The following CLEC16A variants were observed in gnomAD, a reference collection of about 807,000 sequenced individuals.
The protein encoded by CLEC16A is protein CLEC16A.
CLEC16A carries 51 observed loss-of-function variants against 109.5 expected under a neutral mutation model. The ratio of observed to expected loss-of-function variants is 0.47; its 90% confidence interval spans 0.37 to 0.59. The LOEUF is 0.59. Among genes scored for constraint, CLEC16A ranks in the 20% least tolerant of loss-of-function variants. CLEC16A has a pLI of 0.00. For missense variants in CLEC16A, 1,339 were observed against 1,394.0 expected, an observed-to-expected ratio of 0.96 and a Z score of 0.63; for synonymous variants, 673 against 564.2, an observed-to-expected ratio of 1.19 and a Z score of -2.73.
chr16:11,096,388 C>T (rs2050612540), intron 19 of CLEC16A, among the ~76,000 whole-genome samples: 1 of 152,114 alleles, frequency 6.6e-6, no homozygotes, highest in African/African-American at 2.4e-5. Context: ...CCACCCTCCT[C>T]ATCCCACTTC....
At chr16:10,949,409 A>G (rs568477553) in intron 1 of CLEC16A, among the ~76,000 whole-genome samples, 3 of 152,228 alleles carry the variant, frequency 2.0e-5, no homozygotes, top group Admixed American at 2.0e-4. Context: ...ATGGAGACCA[A>G]CGGGGTGAGT....
intron 23 of CLEC16A, among the ~76,000 whole-genome samples, chr16:11,171,672 T>C (rs1188298520): frequency 6.6e-6 from 1 of 152,124 alleles, no homozygotes; most frequent in Non-Finnish European, 1.5e-5. Flanking sequence ...AGCGGGAAAG[T>C]GAAAAAAGAC....
At chr16:11,026,633 T>C (rs899047700) in intron 13 of CLEC16A, among the ~76,000 whole-genome samples, 3 of 144,670 alleles carry the variant, frequency 2.1e-5, no homozygotes, top group Non-Finnish European at 3.0e-5. Flanking sequence ...TCTGTTCTTA[T>C]GTTTGTTTGG....
intron 7 of CLEC16A, among the ~76,000 whole-genome samples, chr16:10,973,271 T>C (rs1420015205): frequency 6.6e-6 from 1 of 152,176 alleles, no homozygotes; most frequent in African/African-American, 2.4e-5. Context: ...GCAGGCGGGG[T>C]AAATCAATTC....
At chr16:11,002,268 T>C (rs1226423761) in intron 10 of CLEC16A, among the ~76,000 whole-genome samples, 2 of 152,192 alleles carry the variant, frequency 1.3e-5, no homozygotes, top group African/African-American at 4.8e-5. Flanking sequence ...ATCTGACACA[T>C]AAGAAAGTAC....
chr16:11,137,068 G>C (rs1319978011), intron 22 of CLEC16A, among the ~76,000 whole-genome samples: 1 of 152,182 alleles, frequency 6.6e-6, no homozygotes, highest in African/African-American at 2.4e-5. Context: ...CTACTCCATC[G>C]TGTGAACCAA....
chr16:11,172,178 A>G (rs1218372622), intron 23 of CLEC16A, among the ~76,000 whole-genome samples: 1 of 152,198 alleles, frequency 6.6e-6, no homozygotes, highest in Non-Finnish European at 1.5e-5. Flanking sequence ...ACATATACAA[A>G]TGGACTTACA....
chr16:11,085,872 G>A (rs1039313035), intron 19 of CLEC16A, among the ~76,000 whole-genome samples: 2 of 152,164 alleles, frequency 1.3e-5, no homozygotes, highest in Non-Finnish European at 2.9e-5. Context: ...GATTACAGGC[G>A]TGAGCCACTG....
Position 11,165,329 on chromosome 16 carries a change from CA to C in CLEC16A, c.2642-1046del, listed in dbSNP as rs35212528. Among the ~76,000 whole-genome samples the C allele has an allele frequency of 3.5e-3, 494 of 141,410 alleles. 1 individual carries two copies. Among genetic ancestry groups the C allele is most frequent in the East Asian group, 0.016 (79 of 4,914 alleles). 92.8% of individuals were successfully genotyped at this position (141,410 alleles called of 152,430 possible). On this transcript the variant is annotated intron_variant, in intron 22 of 23. Transcript: ENST00000409790. ...AATACAGTGGGACCCCCATCTCTAC[CA>C]AAAAAAAAAAAATTATTTGGGTATG... is the stretch of plus-strand genomic sequence containing the variant.
At chr16:11,140,075 G>C (rs868357561) in intron 22 of CLEC16A, among the ~76,000 whole-genome samples, 1 of 152,140 alleles carries the variant, frequency 6.6e-6, no homozygotes, top group African/African-American at 2.4e-5. Flanking sequence ...CTCTTCTACC[G>C]GCTTCCTGAG....
Position 11,171,801 on chromosome 16 carries a change from T to C in CLEC16A, c.2806+5249T>C, listed in dbSNP as rs1159047703. 3.9e-5 allele frequency among the ~76,000 whole-genome samples: 6 copies of C among 152,298 alleles called. No individual in the cohort carries two copies. The East Asian group carries it at 9.6e-4, about 24-fold the overall frequency. On this transcript the variant is annotated intron_variant, in intron 23 of 23. Transcript: ENST00000409790. The stretch of plus-strand genomic sequence containing the variant: ...ACACAGTCACACATGCCAATGCGCA[T>C]GTTCATACAGCCACACATACAAATG...
intron 11 of CLEC16A, among the ~76,000 whole-genome samples, chr16:11,012,070 G>T (rs542036800): frequency 6.6e-6 from 1 of 151,976 alleles, no homozygotes; most frequent in African/African-American, 2.4e-5. Flanking sequence ...AGGATATATA[G>T]CTGAGCACAT....
chr16:11,068,050 G>A (rs779503846), intron 19 of CLEC16A, among the ~76,000 whole-genome samples: 8 of 152,188 alleles, frequency 5.3e-5, no homozygotes, highest in Non-Finnish European at 8.8e-5. Context: ...GGACTTGCCT[G>A]TTTAAAAGTC....
intron 16 of CLEC16A, among the ~76,000 whole-genome samples, chr16:11,046,169 G>T (rs2047624868): frequency 6.6e-6 from 1 of 152,072 alleles, no homozygotes; most frequent in Non-Finnish European, 1.5e-5. Flanking sequence ...AAAGCTTTTG[G>T]ATTGCAAAAA....
At chr16:11,172,615 G>A (rs949305966) in intron 23 of CLEC16A, among the ~76,000 whole-genome samples, 2 of 152,228 alleles carry the variant, frequency 1.3e-5, no homozygotes, top group African/African-American at 4.8e-5. Flanking sequence ...ACGGCCAAGT[G>A]CAGTGGCTCA....
intron 22 of CLEC16A, among the ~76,000 whole-genome samples, chr16:11,130,312 G>A (rs921023153): frequency 3.9e-5 from 6 of 152,146 alleles, no homozygotes; most frequent in Non-Finnish European, 8.8e-5. Flanking sequence ...CTCTGAACAC[G>A]GGAAGACAAG....
rs559086712 is a variant in CLEC16A at position 11,044,062 on chromosome 16, A to G, written c.1805A>G (p.His602Arg). The G allele has an allele frequency of 1.9e-6, 3 of 1,608,864 alleles. No individual in the cohort carries two copies. The highest frequency in any genetic ancestry group is 4.5e-5 in the East Asian group (2 of 44,742). The part of the protein sequence containing the change: ...AREESVHLVR[H>R]FYKGEDIFLD... ...GAAGAAAGTGTTCACCTTGTACGAC[A>G]TTTTTATAAGGTAATTGGCAGAGCA... The change falls in exon 16 of 24, where the codon CAT (histidine) becomes CGT (arginine). Residue 602 changes from histidine (H) to arginine (R), a missense_variant. Transcript: ENST00000409790.
intron 3 of CLEC16A, among the ~76,000 whole-genome samples, chr16:10,967,916 C>G (rs1413894150): frequency 6.7e-6 from 1 of 148,778 alleles, no homozygotes. Context: ...AGTGCTGGGC[C>G]CACCCCTGGA....
At chr16:11,161,266 G>T (rs2054711721) in intron 22 of CLEC16A, among the ~76,000 whole-genome samples, 1 of 152,148 alleles carries the variant, frequency 6.6e-6, no homozygotes, top group Non-Finnish European at 1.5e-5. Context: ...AGCCATCAAG[G>T]CCCCAAGGTT....
Sources: allele counts gnomAD v4.1 joint callset (sites outside exome capture counted in the v4.1 genomes callset), GRCh38; gene constraint gnomAD v4.1.1; transcripts MANE v1.5; gene names NCBI Gene and HGNC (gene_info 2026-07-23, HGNC 2026-07-21).